The following COL23A1 variants were observed in gnomAD, a reference collection of about 807,000 sequenced individuals.
The protein encoded by COL23A1 is collagen type XXIII alpha 1 chain.
A neutral mutation model predicts 99.3 loss-of-function variants in COL23A1; 97 were observed. The observed-to-expected ratio is 0.98, with a 90% confidence interval of 0.83 to 1.16. The LOEUF (loss-of-function observed/expected upper bound fraction) is 1.16, where lower values mean the gene tolerates loss of function less well. COL23A1 is among the 50% of genes most tolerant of loss of function. The pLI, the probability that COL23A1 is intolerant of heterozygous loss-of-function variation, is 0.00. For missense variants in COL23A1, 762 were observed against 757.4 expected (o/e 1.01, Z -0.07); for synonymous variants, 320 against 308.2 (o/e 1.04, Z -0.40).
intron 2 of COL23A1, among the ~76,000 whole-genome samples, chr5:178,364,869 C>G (rs1177415631): frequency 6.6e-6 from 1 of 152,236 alleles, no homozygotes; most frequent in Non-Finnish European, 1.5e-5. Flanking sequence ...GGGCACACTG[C>G]AGGGAGCCTG....
At chr5:178,507,052 A>T (rs1247233154) in intron 2 of COL23A1, among the ~76,000 whole-genome samples, 1 of 152,196 alleles carries the variant, frequency 6.6e-6, no homozygotes, top group Non-Finnish European at 1.5e-5. Context: ...AACAGGGTAC[A>T]TTTCTGTTTG....
chr5:178,329,259 C>T lies in COL23A1; in HGVS notation c.362-22340G>A, dbSNP rs6884248. ...TTTCTTCTGCAGATGACCCAGCCAA[C>T]ATGGAAATCCGCTTTGTCTGACTTT... On this transcript the variant is annotated intron_variant, in intron 2 of 28. Transcript: ENST00000390654. Among the ~76,000 whole-genome samples, 878 of 152,348 alleles carry T rather than the reference C, an allele frequency of 5.8e-3. 10 individuals are homozygous for T. Among genetic ancestry groups the T allele is most frequent in the African/African-American group, 0.02 (842 of 41,572 alleles).
At chr5:178,515,892 G>A (rs1759476621) in intron 2 of COL23A1, among the ~76,000 whole-genome samples, 1 of 152,060 alleles carries the variant, frequency 6.6e-6, no homozygotes, top group Non-Finnish European at 1.5e-5. Flanking sequence ...GCTGCTGGAT[G>A]GAGTTGGACC....
intron 1 of COL23A1, among the ~76,000 whole-genome samples, chr5:178,572,307 A>T (rs1763149795): frequency 6.6e-6 from 1 of 152,102 alleles, no homozygotes; most frequent in Non-Finnish European, 1.5e-5. Context: ...AATATGTGTA[A>T]TTGGAGTCAC....
intron 2 of COL23A1, among the ~76,000 whole-genome samples, chr5:178,353,818 T>C (rs533268519): frequency 3.3e-5 from 5 of 151,894 alleles, no homozygotes; most frequent in Admixed American, 1.3e-4. Context: ...CTCACCCCAG[T>C]GTCATTTAAC....
At position 178,484,215 on chromosome 5, in the gene COL23A1, C is replaced by T. The variant is rs140932032; in HGVS notation, c.361+76467G>A. On this transcript the variant is annotated intron_variant, in intron 2 of 28. Transcript: ENST00000390654. ...CTGGGATTACAGGTGTGAGCCACCACGCCCAACCAAGATTTTCAAAAGAAG... is the reference window on the plus strand; with the variant it reads ...CTGGGATTACAGGTGTGAGCCACCATGCCCAACCAAGATTTTCAAAAGAAG... Among the ~76,000 whole-genome samples the T allele has an allele frequency of 3.1e-3, 474 of 152,258 alleles. 2 individuals carry two copies. Among genetic ancestry groups the T allele is most frequent in the African/African-American group, 0.01 (416 of 41,550 alleles).
At chr5:178,254,025 G>T (rs1482128984) in intron 16 of COL23A1, among the ~76,000 whole-genome samples, 3 of 152,074 alleles carry the variant, frequency 2.0e-5, no homozygotes, top group African/African-American at 7.2e-5. Flanking sequence ...TTAGCCAGGT[G>T]TGGTGGCGCA....
At chr5:178,509,431 C>A (rs982768171) in intron 2 of COL23A1, among the ~76,000 whole-genome samples, 1 of 152,046 alleles carries the variant, frequency 6.6e-6, no homozygotes, top group Non-Finnish European at 1.5e-5. Context: ...CCATCTTGGC[C>A]GGGCTGGTTT....
At chr5:178,470,511 G>A (rs1053938802) in intron 2 of COL23A1, among the ~76,000 whole-genome samples, 62 of 152,118 alleles carry the variant, frequency 4.1e-4, no homozygotes, top group African/African-American at 1.4e-3. Flanking sequence ...CGTCAGTGTC[G>A]AGCAGAGGGC....
intron 2 of COL23A1, among the ~76,000 whole-genome samples, chr5:178,500,525 A>T (rs1758469137): frequency 1.3e-5 from 2 of 151,442 alleles, no homozygotes; most frequent in Non-Finnish European, 2.9e-5. Flanking sequence ...GAATCACTTG[A>T]GCCCAGGAGT....
rs1215761974 is a variant in COL23A1 at position 178,415,432 on chromosome 5, C to CCCCGGG, written c.362-108519_362-108514dup. On this transcript the variant is annotated intron_variant, in intron 2 of 28. Transcript: ENST00000390654. The surrounding 1 kb of genome is among the most constrained non-coding windows in gnomAD (Gnocchi z 4.6). ...AGTGCACAGGCTGTGGCCTCTTTCT[C>CCCCGGG]CCCGGGCCCGGGCCCTGGAGCACGG... Among the ~76,000 whole-genome samples the CCCCGGG allele has an allele frequency of 6.6e-6, 1 of 152,200 alleles. No homozygotes were observed. The highest frequency in any genetic ancestry group is 1.5e-5 in the Non-Finnish European group (1 of 68,034).
intron 2 of COL23A1, among the ~76,000 whole-genome samples, chr5:178,417,785 T>G (rs1010749758): frequency 2.0e-5 from 3 of 152,250 alleles, no homozygotes; most frequent in Non-Finnish European, 4.4e-5. Flanking sequence ...TCTCCACCAT[T>G]AGGATAAAGA....
At position 178,528,125 on chromosome 5, in the gene COL23A1, C is replaced by T. The variant is rs148446225; in HGVS notation, c.361+32557G>A. On this transcript the variant is annotated intron_variant, in intron 2 of 28. Coordinates refer to ENST00000390654, the MANE Select transcript of COL23A1 (RefSeq NM_173465.4). ...TGGGCACTGGGACTGCCCCAGTCCCCGCCTCTGGCCTCCTGCCACCTGTTC... is the reference window on the plus strand; with the variant it reads ...TGGGCACTGGGACTGCCCCAGTCCCTGCCTCTGGCCTCCTGCCACCTGTTC... Among the ~76,000 whole-genome samples the T allele has an allele frequency of 5.0e-3, 755 of 152,284 alleles. 8 individuals carry two copies. Among genetic ancestry groups the T allele is most frequent in the Non-Finnish European group, 4.5e-3 (304 of 68,010 alleles).
chr5:178,477,781 T>C (rs1020064667), intron 2 of COL23A1, among the ~76,000 whole-genome samples: 1 of 152,196 alleles, frequency 6.6e-6, no homozygotes, highest in Non-Finnish European at 1.5e-5. Flanking sequence ...CTTGTTGAAA[T>C]ACAGCCCGAG....
At chr5:178,529,452 T>C (rs1393830713) in intron 2 of COL23A1, among the ~76,000 whole-genome samples, 1 of 151,884 alleles carries the variant, frequency 6.6e-6, no homozygotes, top group Non-Finnish European at 1.5e-5. Flanking sequence ...TGTGTAACAC[T>C]GAGGTGCAGG....
chr5:178,360,026 C>G (rs952132725), intron 2 of COL23A1, among the ~76,000 whole-genome samples: 1 of 152,142 alleles, frequency 6.6e-6, no homozygotes, highest in South Asian at 2.1e-4. Context: ...AGCAGCCGCT[C>G]GCATCATAGG....
rs557082820 is a variant in COL23A1, at chr5:178,480,088, A to G, written c.361+80594T>C. Among the ~76,000 whole-genome samples, 3 of 152,122 alleles carry G rather than the reference A, an allele frequency of 2.0e-5. No homozygotes were observed. The South Asian group carries it at 6.2e-4, about 32-fold the overall frequency. On this transcript the variant is annotated intron_variant, in intron 2 of 28. Transcript: ENST00000390654. ...TTATAATTGTAGAGGTCCACAGGTC[A>G]TATATGTGGCCCACTGTTGACCAAC...
At chr5:178,429,819 T>TA (rs1484235236) in intron 2 of COL23A1, among the ~76,000 whole-genome samples, 2 of 152,142 alleles carry the variant, frequency 1.3e-5, no homozygotes, top group Non-Finnish European at 2.9e-5. Context: ...AGCCTCTGCT[T>TA]AGAGGGTCTA....
In COL23A1 at chr5:178,349,634, C is replaced by CT. The variant is rs565281282; in HGVS notation, c.362-42716dup. ...CCGTCCAATGTAATGGGAGGCTTTCCTTTTTTTTTGTCTTCTGTCTCCCTT... is the reference window on the plus strand; with the variant it reads ...CCGTCCAATGTAATGGGAGGCTTTCCTTTTTTTTTTGTCTTCTGTCTCCCTT... On this transcript the variant is annotated intron_variant, in intron 2 of 28. Coordinates refer to ENST00000390654, the MANE Select transcript of COL23A1 (RefSeq NM_173465.4). Among the ~76,000 whole-genome samples, 226 of 151,540 alleles carry CT rather than the reference C, an allele frequency of 1.5e-3. 5 individuals carry two copies. The South Asian group carries it at 0.039, about 26-fold the overall frequency.
Sources: gnomAD v4.1 joint callset for allele counts (sites outside exome capture counted in the v4.1 genomes callset) on GRCh38, gnomAD v4.1.1 for gene constraint, Gnocchi (gnomAD v3.1) non-coding constraint, MANE v1.5 for transcripts, NCBI Gene and HGNC (gene_info 2026-07-23, HGNC 2026-07-21) for gene names.